The following SIPA1L1 variants were observed in gnomAD, a reference collection of about 807,000 sequenced individuals.
SIPA1L1 encodes the protein signal induced proliferation associated 1 like 1.
SIPA1L1 carries 26 observed loss-of-function variants against 162.7 expected under a neutral mutation model. The ratio of observed to expected loss-of-function variants is 0.16; its 90% confidence interval spans 0.12 to 0.22. SIPA1L1 has a LOEUF of 0.22. SIPA1L1 is among the 10% of genes least tolerant of loss of function. The pLI is 1.00. For missense variants in SIPA1L1, 1,874 were observed against 2,241.0 expected, an observed-to-expected ratio of 0.84 and a Z score of 3.31; for synonymous variants, 829 against 837.4, an observed-to-expected ratio of 0.99 and a Z score of 0.17.
intron 5 of SIPA1L1, among the ~76,000 whole-genome samples, chr14:71,600,496 A>G (rs2036605358): frequency 2.0e-5 from 3 of 152,168 alleles, no homozygotes; most frequent in Admixed American, 2.0e-4. Flanking sequence ...TGATTACTGT[A>G]GCATCGTAAT....
chr14:71,654,646 TGGAGGCAGATCATGTGATTGTCAA>T lies in SIPA1L1; in HGVS notation c.1994-3660_1994-3637del, dbSNP rs1241806015. 5.3e-5 allele frequency among the ~76,000 whole-genome samples: 8 copies of T among 152,314 alleles called. No homozygotes were observed. In the East Asian group the frequency reaches 5.8e-4, roughly 11 times the overall value. ...ATAAGACTTTTCATAAAGAAAGATT[TGGAGGCAGATCATGTGATTGTCAA>T]GGAGGCAGATCATGTGATTGTCAAG... is the stretch of plus-strand genomic sequence containing the variant. On this transcript the variant is annotated intron_variant, in intron 8 of 23. Transcript: ENST00000381232.
intron 10 of SIPA1L1, among the ~76,000 whole-genome samples, chr14:71,668,815 A>G (rs1382739679): frequency 1.3e-5 from 2 of 152,208 alleles, no homozygotes; most frequent in Non-Finnish European, 2.9e-5. Flanking sequence ...AGAATTGCCA[A>G]CTAGGCTAAT....
At chr14:71,591,894 C>G (rs2035449224) in intron 5 of SIPA1L1, among the ~76,000 whole-genome samples, 1 of 152,044 alleles carries the variant, frequency 6.6e-6, no homozygotes, top group Admixed American at 6.6e-5. Flanking sequence ...TAATGACTTG[C>G]CTTTATTAAG....
In SIPA1L1 at chr14:71,702,450, C is replaced by T. The variant is rs147192006; in HGVS notation, c.3591C>T (p.Ser1197=). The stretch of plus-strand genomic sequence containing the variant: ...ACACCCAGTCAGATATTGGTGGCAG[C>T]GGAAAATCCACGCCTAGCTGGCAAA... ...RQNTQSDIGG[S]GKSTPSWQRS... is the part of the protein sequence containing the mutation. Residue 1197 remains serine (S), a synonymous_variant, in exon 15 of 24, where the codon AGC becomes AGT. Coordinates refer to ENST00000381232, the MANE Select transcript of SIPA1L1 (RefSeq NM_001386936.1). The T allele has an allele frequency of 3.2e-5, 51 of 1,614,116 alleles. No individual in the cohort carries two copies. The highest frequency in any genetic ancestry group is 1.7e-4 in the African/African-American group (13 of 75,044).
At chr14:71,589,475 G>A in intron 5 of SIPA1L1, 105 bp downstream of exon 5, 2 of 662,262 alleles carry the variant, frequency 3.0e-6, no homozygotes, top group Non-Finnish European at 4.9e-6. Context: ...AGATTTGCAT[G>A]TCTTATCTTT....
Position 71,560,026 on chromosome 14 carries a change from A to G in SIPA1L1, c.-302-27545A>G, listed in dbSNP as rs146296056. 9.0e-4 allele frequency among the ~76,000 whole-genome samples: 137 copies of G among 152,298 alleles called. 1 individual carries two copies. The East Asian group carries it at 0.022, about 24-fold the overall frequency. ...CTGATTATTGTAACTGAATTTAAAGATGCATCTTAAGACCCTACTGTAATC... is the reference window on the plus strand; with the variant it reads ...CTGATTATTGTAACTGAATTTAAAGGTGCATCTTAAGACCCTACTGTAATC... On this transcript the variant is annotated intron_variant, in intron 4 of 23. Coordinates refer to ENST00000381232, the MANE Select transcript of SIPA1L1 (RefSeq NM_001386936.1).
At chr14:71,477,822 G>T (rs554062452) in intron 2 of SIPA1L1, among the ~76,000 whole-genome samples, 14 of 151,980 alleles carry the variant, frequency 9.2e-5, no homozygotes, top group Non-Finnish European at 1.8e-4. Flanking sequence ...GAACATTTGT[G>T]TTTTAGTGTT....
At chr14:71,650,581 T>C (rs1457633417) in intron 8 of SIPA1L1, 72 bp downstream of exon 8, 9 of 1,422,898 alleles carry the variant, frequency 6.3e-6, no homozygotes, top group Non-Finnish European at 8.8e-6. Context: ...TGCTAAATTA[T>C]CCGTAAAGCA....
rs71105772 is a variant in SIPA1L1, at chr14:71,356,567, CA to C, written c.-465+35406del. On this transcript the variant is annotated intron_variant, in intron 2 of 23. Transcript: ENST00000381232. ...GCAACATAGCAAGACCTTGTCTCTA[CA>C]AAAAAAAAAAAAAAAAAAAGCACAC... 6.1e-4 allele frequency among the ~76,000 whole-genome samples: 24 copies of C among 39,162 alleles called. No homozygotes were observed. In the East Asian group the frequency reaches 6.3e-3, roughly 10 times the overall value. The allele number at this position is 39,162 out of a possible 152,430, so 25.7% of individuals were successfully genotyped here. A position where few individuals can be genotyped will look rare whatever the true frequency, so the allele number is the denominator to read the frequency against.
At chr14:71,614,689 G>A (rs2038627108) in intron 5 of SIPA1L1, among the ~76,000 whole-genome samples, 1 of 152,136 alleles carries the variant, frequency 6.6e-6, no homozygotes, top group Admixed American at 6.5e-5. Context: ...TGAAGAAAGT[G>A]TTGGAATTTA....
At chr14:71,544,045 GCACGCA>G in intron 4 of SIPA1L1, among the ~76,000 whole-genome samples, 1 of 136,474 alleles carries the variant, frequency 7.3e-6, no homozygotes, top group East Asian at 2.2e-4. Context: ...ATATACACAC[GCACGCA>G]CATGTATGTA....
intron 3 of SIPA1L1, among the ~76,000 whole-genome samples, chr14:71,522,814 C>T (rs1364286167): frequency 3.3e-5 from 5 of 152,016 alleles, no homozygotes; most frequent in Non-Finnish European, 7.4e-5. Context: ...CTGCCTCAGC[C>T]TCCCGAGTAG....
At chr14:71,477,533 G>A (rs573522086) in intron 2 of SIPA1L1, among the ~76,000 whole-genome samples, 20 of 152,150 alleles carry the variant, frequency 1.3e-4, no homozygotes, top group Non-Finnish European at 2.6e-4. Context: ...AACAGATGGC[G>A]TCTCGCCGTG....
At chr14:71,441,862 T>C (rs534919024) in intron 2 of SIPA1L1, among the ~76,000 whole-genome samples, 1 of 152,064 alleles carries the variant, frequency 6.6e-6, no homozygotes, top group Non-Finnish European at 1.5e-5. Context: ...AAAATAACCA[T>C]GTAGATCAGG....
chr14:71,561,422 T>C (rs2056780300), intron 4 of SIPA1L1, among the ~76,000 whole-genome samples: 1 of 152,236 alleles, frequency 6.6e-6, no homozygotes, highest in Admixed American at 6.5e-5. Context: ...CCAATAGCAT[T>C]GTACAATCCA....
intron 4 of SIPA1L1, among the ~76,000 whole-genome samples, chr14:71,558,871 A>G (rs940250300): frequency 1.3e-5 from 2 of 151,988 alleles, no homozygotes; most frequent in South Asian, 2.1e-4. Context: ...TTTTGTAGAG[A>G]CACGGTCTTG....
At chr14:71,684,687 C>T (rs1017561561) in intron 12 of SIPA1L1, among the ~76,000 whole-genome samples, 2 of 151,394 alleles carry the variant, frequency 1.3e-5, no homozygotes, top group Admixed American at 6.6e-5. Context: ...AGCCCAGTCA[C>T]GATGTGCAGT....
intron 2 of SIPA1L1, among the ~76,000 whole-genome samples, chr14:71,419,480 CTTTTTTTTTTTTT>C (rs779874892): frequency 1.3e-4 from 11 of 85,248 alleles, no homozygotes; most frequent in Admixed American, 2.5e-4. Context: ...GAGGATCTCT[CTTTTTTTTTTTTT>C]TTTTTTTTTT....
At chr14:71,643,942 G>A (rs2148963965) in intron 7 of SIPA1L1, among the ~76,000 whole-genome samples, 1 of 151,834 alleles carries the variant, frequency 6.6e-6, no homozygotes, top group South Asian at 2.1e-4. Flanking sequence ...TAAGTAGCTG[G>A]GATTACAGGC....
Sources: gnomAD v4.1 joint callset for allele counts (sites outside exome capture counted in the v4.1 genomes callset) on GRCh38, gnomAD v4.1.1 for gene constraint, MANE v1.5 for transcripts, NCBI Gene and HGNC (gene_info 2026-07-23, HGNC 2026-07-21) for gene names.